DIAPH3: variants seen among roughly 807,000 people sequenced by gnomAD.
DIAPH3 encodes diaphanous related formin 3.
A neutral mutation model predicts 144.3 loss-of-function variants in DIAPH3; 117 were observed. The ratio of observed to expected loss-of-function variants is 0.81; its 90% CI spans 0.70 to 0.95. The LOEUF is 0.95. Ranked by LOEUF, DIAPH3 falls within the 40% of genes least tolerant of loss-of-function variation. The pLI is 0.00. For missense variants in DIAPH3, 1,421 were observed against 1,412.7 expected (o/e 1.01, Z -0.09); for synonymous variants, 519 against 488.9 (o/e 1.06, Z -0.81).
chr13:60,089,956 G>A (rs745964681), intron 4 of DIAPH3, among the ~76,000 whole-genome samples: 7 of 152,144 alleles, frequency 4.6e-5, no homozygotes, highest in East Asian at 1.9e-4. Flanking sequence ...GAAAAAACCC[G>A]GAGTAGCTTC....
intron 4 of DIAPH3, among the ~76,000 whole-genome samples, chr13:60,059,939 T>A (rs1436070829): frequency 6.6e-6 from 1 of 152,100 alleles, no homozygotes; most frequent in East Asian, 1.9e-4. Context: ...AAACACCAGC[T>A]GTTCCAGTCT....
At chr13:60,027,641 A>G (rs2054472506) in intron 5 of DIAPH3, among the ~76,000 whole-genome samples, 1 of 152,180 alleles carries the variant, frequency 6.6e-6, no homozygotes. Flanking sequence ...TAAAACATAG[A>G]TACTGGTATG....
chr13:60,093,231 C>T (rs2058008244), intron 4 of DIAPH3, among the ~76,000 whole-genome samples: 1 of 152,158 alleles, frequency 6.6e-6, no homozygotes, highest in Admixed American at 6.5e-5. Flanking sequence ...GGGAGACTCA[C>T]ATTAAAGACA....
At chr13:60,106,949 A>G (rs994212617) in intron 3 of DIAPH3, among the ~76,000 whole-genome samples, 2 of 152,196 alleles carry the variant, frequency 1.3e-5, no homozygotes, top group South Asian at 2.1e-4. Flanking sequence ...AAGGAAACAT[A>G]CGAACTATTC....
intron 20 of DIAPH3, among the ~76,000 whole-genome samples, chr13:59,890,653 ATTCT>A (rs769721016): frequency 1.3e-5 from 2 of 151,750 alleles, no homozygotes; most frequent in Non-Finnish European, 2.9e-5. Flanking sequence ...AATTCATCAT[ATTCT>A]TTCTCTCTTC....
intron 18 of DIAPH3, among the ~76,000 whole-genome samples, chr13:59,918,944 C>A (rs200922290): frequency 1.8e-3 from 213 of 117,302 alleles, no homozygotes; most frequent in African/African-American, 2.8e-3. Flanking sequence ...CAAGAAAATA[C>A]AAAAAAAAAA....
At chr13:60,017,322 T>G (rs1399802363) in intron 5 of DIAPH3, among the ~76,000 whole-genome samples, 1 of 150,948 alleles carries the variant, frequency 6.6e-6, no homozygotes, top group Non-Finnish European at 1.5e-5. Context: ...GAGAATCACT[T>G]CAACCCAGGA....
intron 25 of DIAPH3, among the ~76,000 whole-genome samples, chr13:59,776,553 T>C: frequency 6.6e-6 from 1 of 151,894 alleles, no homozygotes; most frequent in Admixed American, 6.6e-5. Flanking sequence ...CAAGCAGTCA[T>C]GAGATTGAAA....
At chr13:59,682,232 T>C (rs1234032267) in intron 27 of DIAPH3, among the ~76,000 whole-genome samples, 1 of 152,214 alleles carries the variant, frequency 6.6e-6, no homozygotes, top group East Asian at 1.9e-4. Flanking sequence ...ACTACCCAAT[T>C]TGTACGAAGG....
intron 17 of DIAPH3, among the ~76,000 whole-genome samples, chr13:59,954,765 C>T (rs1303378384): frequency 6.6e-6 from 1 of 152,012 alleles, no homozygotes; most frequent in Non-Finnish European, 1.5e-5. Context: ...GCCAGTACAT[C>T]CTATATGACT....
intron 13 of DIAPH3, among the ~76,000 whole-genome samples, chr13:59,982,437 T>G (rs577564194): frequency 2.0e-5 from 3 of 151,464 alleles, no homozygotes; most frequent in East Asian, 3.9e-4. Flanking sequence ...CCCAGGAACT[T>G]CTAATTGCTT....
intron 12 of DIAPH3, among the ~76,000 whole-genome samples, chr13:59,990,881 A>G (rs2051764463): frequency 6.6e-6 from 1 of 151,974 alleles, no homozygotes; most frequent in Non-Finnish European, 1.5e-5. Context: ...AGAAAATATT[A>G]TCTGTCACAT....
chr13:59,758,953 ATT>A (rs915956860), intron 27 of DIAPH3, among the ~76,000 whole-genome samples: 34 of 130,052 alleles, frequency 2.6e-4, no homozygotes, highest in South Asian at 5.1e-4. Context: ...CTAATTTTGA[ATT>A]TTTTTTTTTT....
At chr13:60,153,730 G>A (rs1273449525) in intron 1 of DIAPH3, among the ~76,000 whole-genome samples, 1 of 151,982 alleles carries the variant, frequency 6.6e-6, no homozygotes, top group Admixed American at 6.6e-5. Flanking sequence ...ATGTAAATCT[G>A]TTTTAGTTTT....
intron 17 of DIAPH3, among the ~76,000 whole-genome samples, chr13:59,964,758 T>C (rs1373471072): frequency 2.0e-5 from 3 of 152,150 alleles, no homozygotes; most frequent in African/African-American, 4.8e-5. Flanking sequence ...CATTTCATAA[T>C]TTCTTTAAGT....
intron 5 of DIAPH3, among the ~76,000 whole-genome samples, chr13:60,040,553 T>G (rs1390407905): frequency 1.4e-5 from 2 of 147,154 alleles, no homozygotes; most frequent in African/African-American, 4.9e-5. Context: ...TCTATTTTGT[T>G]TTCTTTTGTT....
chr13:59,779,439 C>T (rs1016857760), intron 25 of DIAPH3, among the ~76,000 whole-genome samples: 13 of 151,704 alleles, frequency 8.6e-5, no homozygotes, highest in Non-Finnish European at 1.6e-4. Flanking sequence ...AATTACAGGA[C>T]ATGTATGAAA....
intron 4 of DIAPH3, among the ~76,000 whole-genome samples, chr13:60,081,952 G>T (rs1334564644): frequency 6.6e-6 from 1 of 151,374 alleles, no homozygotes; most frequent in African/African-American, 2.4e-5. Flanking sequence ...TGAAGAGAAA[G>T]TGCTGAAAGT....
At chr13:60,043,908 CA>C (rs1234436730) in intron 4 of DIAPH3, among the ~76,000 whole-genome samples, 3 of 152,014 alleles carry the variant, frequency 2.0e-5, no homozygotes, top group South Asian at 2.1e-4. Flanking sequence ...CAATTTTAAA[CA>C]GGATGGTCAA....
Sources: gnomAD v4.1 joint callset for allele counts (sites outside exome capture counted in the v4.1 genomes callset) on GRCh38, gnomAD v4.1.1 for gene constraint, MANE v1.5 for transcripts, NCBI Gene and HGNC (gene_info 2026-07-23, HGNC 2026-07-21) for gene names.